Variants in CCSER2 observed in about 807,000 individuals in gnomAD.
The protein encoded by CCSER2 is coiled-coil serine rich protein 2, also known as serine-rich coiled-coil domain-containing protein 2.
In CCSER2, 46 loss-of-function variants were observed where a neutral mutation model predicts 92.3. The ratio of observed to expected loss-of-function variants is 0.50; its 90% CI spans 0.39 to 0.64. The LOEUF (loss-of-function observed/expected upper bound fraction) is 0.64. Ranked by LOEUF, CCSER2 falls within the 30% of genes least tolerant of loss-of-function variation. The pLI is 0.00. For synonymous variants in CCSER2, 433 were observed against 431.4 expected (o/e 1.00, Z -0.04); for missense variants, 1,244 against 1,238.9 (o/e 1.00, Z -0.06).
chr10:84,394,385 A>ATGTG (rs60891669), intron 3 of CCSER2, among the ~76,000 whole-genome samples: 8,264 of 132,524 alleles, frequency 0.062, 271 homozygotes, highest in Middle Eastern at 0.16. Flanking sequence ...AAAGGAAAGT[A>ATGTG]TGTGTGTGTG....
chr10:84,385,811 A>G (rs1391562838), intron 3 of CCSER2, among the ~76,000 whole-genome samples: 2 of 152,206 alleles, frequency 1.3e-5, no homozygotes, highest in Non-Finnish European at 2.9e-5. Flanking sequence ...CAACCTACAG[A>G]ATGTGAGAAA....
chr10:84,473,487 AAG>A (rs1392052303), intron 8 of CCSER2, among the ~76,000 whole-genome samples: 1 of 152,170 alleles, frequency 6.6e-6, no homozygotes, highest in Non-Finnish European at 1.5e-5. Context: ...GATCTCTGTA[AAG>A]TGAATGCCTT....
At position 84,518,351 on chromosome 10, in the gene CCSER2, A is replaced by G. The variant is rs1478463191; in HGVS notation, c.*4084A>G. On this transcript the variant is annotated 3_prime_UTR_variant, in exon 10 of 10. Coordinates refer to ENST00000372088, the MANE Select transcript of CCSER2 (RefSeq NM_001284240.2). ...GGTCTCTAAGTCATTACTAACAAAG[A>G]GCAAAAATAATATCTGCAGTATTGT... The G allele has an allele frequency of 6.5e-6, 1 of 152,674 alleles. No homozygotes were observed. Among genetic ancestry groups the G allele is most frequent in the African/African-American group, 2.4e-5 (1 of 41,464 alleles). 9.5% of individuals were successfully genotyped at this position (152,674 alleles called of 1,614,324 possible).
At chr10:84,389,129 A>G in intron 3 of CCSER2, 1 of 219,206 alleles carries the variant, frequency 4.6e-6, no homozygotes, top group Non-Finnish European at 9.2e-6. Context: ...TAGTTGTCAA[A>G]TGATCCTTTA....
chr10:84,336,069 G>A (rs979575289), intron 1 of CCSER2, among the ~76,000 whole-genome samples: 1 of 152,282 alleles, frequency 6.6e-6, no homozygotes. Flanking sequence ...TTTAGGAGTA[G>A]TATGGTATGG....
Position 84,335,433 on chromosome 10 carries a change from A to AG in CCSER2, c.-40+6628dup, listed in dbSNP as rs201511117. On this transcript the variant is annotated intron_variant, in intron 1 of 9. Coordinates refer to ENST00000372088, the MANE Select transcript of CCSER2 (RefSeq NM_001284240.2). ...AATTTTAAAAATTTTCCATAGAGACAGGGTCTCCCCATGTTACCCAGGCTG... is the reference window on the plus strand; with the variant it reads ...AATTTTAAAAATTTTCCATAGAGACAGGGGTCTCCCCATGTTACCCAGGCTG... Among the ~76,000 whole-genome samples the AG allele has an allele frequency of 3.5e-4, 53 of 151,832 alleles. 1 individual carries two copies. The East Asian group carries it at 8.8e-3, about 25-fold the overall frequency.
chr10:84,447,020 T>C (rs1382848914), intron 6 of CCSER2, among the ~76,000 whole-genome samples: 1 of 152,078 alleles, frequency 6.6e-6, no homozygotes, highest in Non-Finnish European at 1.5e-5. Context: ...TCCATTTTGT[T>C]TGTTTCCAGT....
intron 4 of CCSER2, chr10:84,424,892 C>G (rs1157139011): frequency 1.8e-6 from 1 of 570,292 alleles, no homozygotes; most frequent in African/African-American, 2.0e-5. Context: ...GGGCTTGCTT[C>G]CCACAGGGAG....
intron 3 of CCSER2, among the ~76,000 whole-genome samples, chr10:84,394,115 C>G (rs955197588): frequency 2.6e-5 from 4 of 152,120 alleles, no homozygotes; most frequent in Non-Finnish European, 5.9e-5. Context: ...TGTTGTGATT[C>G]TTTAAACATA....
At chr10:84,457,547 TG>T (rs1392949604) in intron 6 of CCSER2, among the ~76,000 whole-genome samples, 1 of 117,598 alleles carries the variant, frequency 8.5e-6, no homozygotes, top group Non-Finnish European at 1.6e-5. Context: ...TTATATATAA[TG>T]TATATTATTA....
chr10:84,344,371 G>A (rs1445158622), intron 1 of CCSER2, among the ~76,000 whole-genome samples: 3 of 150,754 alleles, frequency 2.0e-5, no homozygotes, highest in Non-Finnish European at 4.4e-5. Flanking sequence ...TTTTTTGTTA[G>A]TTTTTGCTGT....
At chr10:84,367,966 C>G (rs1845870194) in intron 1 of CCSER2, among the ~76,000 whole-genome samples, 1 of 152,056 alleles carries the variant, frequency 6.6e-6, no homozygotes, top group Non-Finnish European at 1.5e-5. Flanking sequence ...CTATGCTTTC[C>G]CATCTCCTTA....
intron 3 of CCSER2, among the ~76,000 whole-genome samples, chr10:84,416,683 C>G (rs1484275044): frequency 6.6e-6 from 1 of 152,116 alleles, no homozygotes; most frequent in East Asian, 1.9e-4. Flanking sequence ...AATTCCAGCA[C>G]TTTGGGAGGC....
chr10:84,374,025 A>T (rs1251344743), intron 3 of CCSER2: 1 of 1,065,116 alleles, frequency 9.4e-7, no homozygotes, highest in Non-Finnish European at 1.3e-6. Context: ...TATACTCAAC[A>T]TGTTTACATA....
In CCSER2 at chr10:84,421,824, A is replaced by C. The variant is rs752381291; in HGVS notation, c.1706-3907A>C. Among the ~76,000 whole-genome samples, 3 of 152,216 alleles carry C rather than the reference A, an allele frequency of 2.0e-5. No individual in the cohort carries two copies. The East Asian group carries it at 5.8e-4, about 29-fold the overall frequency. ...AATGAAGACCCAAAGACCTAGGGAA[A>C]ACCCTGATTTTATGCTTAGGCTTGG... On this transcript the variant is annotated intron_variant, in intron 4 of 9. Coordinates refer to ENST00000372088, the MANE Select transcript of CCSER2 (RefSeq NM_001284240.2).
chr10:84,450,284 A>G (rs989232698), intron 6 of CCSER2, among the ~76,000 whole-genome samples: 4 of 152,230 alleles, frequency 2.6e-5, no homozygotes, highest in African/African-American at 9.6e-5. Flanking sequence ...CATCATGACT[A>G]GAATTTTTGG....
chr10:84,463,425 G>A (rs1846217487), intron 6 of CCSER2, among the ~76,000 whole-genome samples: 1 of 152,048 alleles, frequency 6.6e-6, no homozygotes, highest in South Asian at 2.1e-4. Flanking sequence ...GATTAGTTTT[G>A]CCTTTTCTCA....
chr10:84,417,846 G>T lies in CCSER2; in HGVS notation c.1690G>T (p.Ala564Ser), dbSNP rs767737665. Residue 564 changes from alanine (A) to serine (S), a missense_variant, in exon 4 of 10, where the codon GCA becomes TCA. By Grantham distance (99) the Ala-to-Ser change is moderately conservative. Coordinates refer to ENST00000372088, the MANE Select transcript of CCSER2 (RefSeq NM_001284240.2). ...LMLDVDLPED[A>S]PLENVECDNM... ...GCTTGATGTGGATCTGCCTGAGGAT[G>T]CACCTCTTGAAAATGGTAAGTTGAG... The T allele has an allele frequency of 6.4e-7, 1 of 1,560,596 alleles. No individual in the cohort carries two copies. Among genetic ancestry groups the T allele is most frequent in the South Asian group, 1.1e-5 (1 of 89,954 alleles).
At chr10:84,431,165 T>C (rs751887342) in intron 5 of CCSER2, among the ~76,000 whole-genome samples, 1 of 152,220 alleles carries the variant, frequency 6.6e-6, no homozygotes, top group Non-Finnish European at 1.5e-5. Context: ...CTCTGTTTTG[T>C]ATATCCTATG....
Sources: gnomAD v4.1 joint callset for allele counts (sites outside exome capture counted in the v4.1 genomes callset) on GRCh38, gnomAD v4.1.1 for gene constraint, MANE v1.5 for transcripts, NCBI Gene and HGNC (gene_info 2026-07-23, HGNC 2026-07-21) for gene names.